The following PIEZO2 variants were observed in gnomAD, a reference collection of about 807,000 sequenced individuals.
PIEZO2 encodes the protein piezo type mechanosensitive ion channel component 2.
In PIEZO2, 172 loss-of-function variants were observed where a neutral mutation model predicts 337.3. The observed-to-expected ratio is 0.51, with a 90% CI of 0.45 to 0.58. The LOEUF is 0.58. Among genes scored for constraint, PIEZO2 ranks in the 20% least tolerant of loss-of-function variants. The pLI, the probability that PIEZO2 is intolerant of heterozygous loss-of-function variation, is 0.00. For synonymous variants in PIEZO2, 1,251 were observed against 1,228.5 expected, an observed-to-expected ratio of 1.02 and a Z score of -0.38; for missense variants, 3,028 against 3,391.3, an observed-to-expected ratio of 0.89 and a Z score of 2.66.
rs943991487 is a variant in PIEZO2 at position 10,895,382 on chromosome 18, G to A, written c.329+15804C>T. Among the ~76,000 whole-genome samples the A allele has an allele frequency of 6.6e-6, 1 of 152,000 alleles. No homozygotes were observed. The highest frequency in any genetic ancestry group is 1.5e-5 in the Non-Finnish European group (1 of 68,000). ...AATCGCTTGAACCTGGGTGGCAGAG[G>A]TTGCAGTGAGCCGAGATTGCACCAC... On this transcript the variant is annotated intron_variant, in intron 4 of 55. Coordinates refer to ENST00000674853, the MANE Select transcript of PIEZO2 (RefSeq NM_001378183.1). This position sits in a 1 kb window ranked among gnomAD's most constrained non-coding sequence, Gnocchi z 4.8.
At chr18:10,710,854 T>G (rs2035792931) in intron 39 of PIEZO2, among the ~76,000 whole-genome samples, 1 of 152,158 alleles carries the variant, frequency 6.6e-6, no homozygotes, top group South Asian at 2.1e-4. Flanking sequence ...AAATGATGAT[T>G]TGGAAATTAG....
chr18:10,693,143 G>A (rs1190751274), intron 47 of PIEZO2, among the ~76,000 whole-genome samples: 1 of 151,780 alleles, frequency 6.6e-6, no homozygotes, highest in Admixed American at 6.6e-5. Context: ...ATTTTTAATG[G>A]CATTGTAAAT....
Position 10,795,351 on chromosome 18 carries a change from A to ATTATT in PIEZO2, c.1528-354_1528-350dup, listed in dbSNP as rs10694670. 0.26 allele frequency among the ~76,000 whole-genome samples: 5,187 copies of ATTATT among 19,718 alleles called. 157 individuals are homozygous for ATTATT. Among genetic ancestry groups the ATTATT allele is most frequent in the Non-Finnish European group, 0.34 (2,929 of 8,500 alleles). The allele number at this position is 19,718 out of a possible 152,430, so 12.9% of individuals were successfully genotyped here. On this transcript the variant is annotated intron_variant, in intron 12 of 55. Coordinates refer to ENST00000674853, the MANE Select transcript of PIEZO2 (RefSeq NM_001378183.1). The surrounding 1 kb of genome is among the most constrained non-coding windows in gnomAD (Gnocchi z 4.4). ...ATTTTATTTTATTTTATTTTATTTT[A>ATTATT]TTATTTTATTTTATTTTATTTTATT...
At chr18:10,967,341 C>T (rs2034051926) in intron 3 of PIEZO2, among the ~76,000 whole-genome samples, 1 of 152,078 alleles carries the variant, frequency 6.6e-6, no homozygotes, top group Admixed American at 6.6e-5. Flanking sequence ...TCTTTATCCA[C>T]TCATTGACTG....
chr18:10,955,496 T>G (rs772608690), intron 3 of PIEZO2, among the ~76,000 whole-genome samples: 2 of 152,212 alleles, frequency 1.3e-5, no homozygotes, highest in Non-Finnish European at 2.9e-5. Flanking sequence ...ATCTGCTTAT[T>G]ATAACATTTC....
rs1288092425 is a variant in PIEZO2, at chr18:11,148,467, C to T, written c.64+58G>A. 25 of 1,519,096 alleles carry T rather than the reference C, an allele frequency of 1.6e-5. No individual in the cohort carries two copies. Among genetic ancestry groups the T allele is most frequent in the Non-Finnish European group, 2.2e-5 (25 of 1,130,642 alleles). The allele number at this position is 1,519,096 out of a possible 1,614,324, so 94.1% of individuals were successfully genotyped here. On this transcript the variant is annotated intron_variant, in intron 1 of 55. Coordinates refer to ENST00000674853, the MANE Select transcript of PIEZO2 (RefSeq NM_001378183.1). The surrounding 1 kb of genome is among the most constrained non-coding windows in gnomAD (Gnocchi z 5.2). ...GCCCTTCACTTTGTTAAGAAGTCCC[C>T]CACCCAGGCGCCCCCCTCGTCCTCC...
intron 2 of PIEZO2, among the ~76,000 whole-genome samples, chr18:11,015,726 T>C (rs1312238235): frequency 1.3e-5 from 2 of 152,154 alleles, no homozygotes; most frequent in African/African-American, 4.8e-5. Flanking sequence ...GGAACGACTC[T>C]TGCAGCCCTG....
At chr18:11,034,640 C>T (rs1439151475) in intron 2 of PIEZO2, among the ~76,000 whole-genome samples, 1 of 152,158 alleles carries the variant, frequency 6.6e-6, no homozygotes, top group Non-Finnish European at 1.5e-5. Flanking sequence ...ATCCTCCTAC[C>T]ACTACCTATT....
chr18:10,978,342 A>T (rs1330888321), intron 3 of PIEZO2, among the ~76,000 whole-genome samples: 1 of 151,974 alleles, frequency 6.6e-6, no homozygotes, highest in Non-Finnish European at 1.5e-5. Context: ...TCTCAAAAAA[A>T]AAACAAAAAC....
rs527999027 is a variant in PIEZO2, at chr18:11,114,357, A to G, written c.64+34168T>C. ...GGCATGTACAACTGTCTTCACTAAT[A>G]AAGGATTTTCTAAAGTTAGCAGAGA... On this transcript the variant is annotated intron_variant, in intron 1 of 55. Coordinates refer to ENST00000674853, the MANE Select transcript of PIEZO2 (RefSeq NM_001378183.1). 3.4e-3 allele frequency among the ~76,000 whole-genome samples: 523 copies of G among 152,298 alleles called. 1 individual carries two copies. Among genetic ancestry groups the G allele is most frequent in the African/African-American group, 0.012 (495 of 41,564 alleles).
At position 11,009,501 on chromosome 18, in the gene PIEZO2, C is replaced by T. The variant is rs563885045; in HGVS notation, c.161-29841G>A. 7.9e-5 allele frequency among the ~76,000 whole-genome samples: 12 copies of T among 152,266 alleles called. No individual in the cohort carries two copies. In the South Asian group the frequency reaches 2.5e-3, roughly 32 times the overall value. On this transcript the variant is annotated intron_variant, in intron 2 of 55. Transcript: ENST00000674853. The surrounding 1 kb of genome is among the most constrained non-coding windows in gnomAD (Gnocchi z 4.6). ...CTCAGCTCATGGACTGGTTGAGGCG[C>T]GTGTGAGAGCAGCGTATGAGAGTAG... is the stretch of plus-strand genomic sequence containing the variant.
intron 4 of PIEZO2, among the ~76,000 whole-genome samples, chr18:10,882,029 C>A (rs2042435027): frequency 6.6e-6 from 1 of 152,204 alleles, no homozygotes; most frequent in African/African-American, 2.4e-5. Flanking sequence ...TGAATTTTCA[C>A]CCGCCTCTTT....
intron 36 of PIEZO2, among the ~76,000 whole-genome samples, chr18:10,730,021 A>AT (rs1324186795): frequency 2.0e-5 from 3 of 152,202 alleles, no homozygotes; most frequent in Non-Finnish European, 4.4e-5. Flanking sequence ...ATGTTTCGAA[A>AT]TTTTTTGTTA....
rs1226638808 is a variant in PIEZO2, at chr18:11,132,131, G to T, written c.64+16394C>A. Among the ~76,000 whole-genome samples the T allele has an allele frequency of 6.6e-6, 1 of 152,208 alleles. No individual in the cohort carries two copies. Among genetic ancestry groups the T allele is most frequent in the Non-Finnish European group, 1.5e-5 (1 of 68,038 alleles). ...GACCTCTTCCAACATGGAAAGAGGAGAGATTTGTTCTCACTGGAATAGACA... is the reference window on the plus strand; with the variant it reads ...GACCTCTTCCAACATGGAAAGAGGATAGATTTGTTCTCACTGGAATAGACA... On this transcript the variant is annotated intron_variant, in intron 1 of 55. Coordinates refer to ENST00000674853, the MANE Select transcript of PIEZO2 (RefSeq NM_001378183.1). The surrounding 1 kb of genome is among the most constrained non-coding windows in gnomAD (Gnocchi z 4.7).
intron 1 of PIEZO2, among the ~76,000 whole-genome samples, chr18:11,067,590 T>C (rs901851031): frequency 1.3e-5 from 2 of 152,192 alleles, no homozygotes; most frequent in African/African-American, 4.8e-5. Flanking sequence ...CAGGGATAGC[T>C]AGACTTATAT....
At chr18:11,063,733 C>T (rs544368875) in intron 2 of PIEZO2, among the ~76,000 whole-genome samples, 2 of 152,264 alleles carry the variant, frequency 1.3e-5, no homozygotes, top group South Asian at 4.1e-4. Flanking sequence ...GCAGGCTGCC[C>T]GGGAGCAGGG....
At chr18:10,838,064 T>A (rs1363897938) in intron 7 of PIEZO2, among the ~76,000 whole-genome samples, 2 of 152,122 alleles carry the variant, frequency 1.3e-5, no homozygotes, top group Non-Finnish European at 2.9e-5. Context: ...ATTTCCTCCA[T>A]GTTACACAAG....
chr18:10,958,079 A>G (rs185246346), intron 3 of PIEZO2, among the ~76,000 whole-genome samples: 211 of 152,330 alleles, frequency 1.4e-3, no homozygotes, highest in African/African-American at 4.9e-3. Context: ...GTAAATTAGT[A>G]CAGCCATTAT....
chr18:10,791,538 A>G lies in PIEZO2; in HGVS notation c.1759-214T>C, dbSNP rs950817689. On this transcript the variant is annotated intron_variant, in intron 13 of 55. Transcript: ENST00000674853. ...TGCTCCCATGTTTGTGTTGGGTGCCAGAAGCACCACGCAAGTCCTGAGGAA... is the reference window on the plus strand; with the variant it reads ...TGCTCCCATGTTTGTGTTGGGTGCCGGAAGCACCACGCAAGTCCTGAGGAA... The G allele has an allele frequency of 2.1e-5, 8 of 389,914 alleles. No individual in the cohort carries two copies. The South Asian group carries it at 2.6e-4, about 13-fold the overall frequency. 24.2% of individuals were successfully genotyped at this position (389,914 alleles called of 1,614,324 possible).
Sources: gnomAD v4.1 joint callset for allele counts (sites outside exome capture counted in the v4.1 genomes callset) on GRCh38, gnomAD v4.1.1 for gene constraint, Gnocchi (gnomAD v3.1) non-coding constraint, MANE v1.5 for transcripts, NCBI Gene and HGNC (gene_info 2026-07-23, HGNC 2026-07-21) for gene names.